ELAVL4: variants seen among roughly 807,000 people sequenced by gnomAD.
ELAVL4 encodes ELAV-like protein 4.
Under a neutral mutation model 35.6 loss-of-function variants are expected in ELAVL4, and 1 was observed. The ratio of observed to expected loss-of-function variants is 0.03; its 90% confidence interval spans 0.01 to 0.13. The LOEUF (loss-of-function observed/expected upper bound fraction) is 0.13, where lower values mean the gene tolerates loss of function less well. Ranked by LOEUF, ELAVL4 falls within the 10% of genes least tolerant of loss-of-function variation. ELAVL4 has a pLI of 1.00. For missense variants in ELAVL4, 267 were observed against 464.9 expected, an observed-to-expected ratio of 0.57 and a Z score of 3.91; for synonymous variants, 156 against 171.0, an observed-to-expected ratio of 0.91 and a Z score of 0.69.
At chr1:50,200,800 C>A in intron 6 of ELAVL4, 51 bp from the exon 7 acceptor site, 2 of 1,589,072 alleles carry the variant, frequency 1.3e-6, no homozygotes, top group South Asian at 1.2e-5. Context: ...GTGTGTTATC[C>A]TTGGTCAGAC....
intron 1 of ELAVL4, among the ~76,000 whole-genome samples, chr1:50,095,938 T>G (rs1665699959): frequency 6.6e-6 from 1 of 152,192 alleles, no homozygotes; most frequent in Non-Finnish European, 1.5e-5. Context: ...TTTCTGATTT[T>G]AGTCACTTGA....
intron 1 of ELAVL4, among the ~76,000 whole-genome samples, chr1:50,136,092 C>T (rs992494524): frequency 2.0e-5 from 3 of 151,870 alleles, no homozygotes; most frequent in African/African-American, 2.4e-5. Flanking sequence ...AAAAGAAGGA[C>T]GGGAGAGAAT....
At chr1:50,165,804 G>A (rs61784188) in intron 2 of ELAVL4, among the ~76,000 whole-genome samples, 23 of 130,488 alleles carry the variant, frequency 1.8e-4, no homozygotes, top group South Asian at 5.3e-4. Context: ...ATGTGTATAT[G>A]TGTGTGTGTA....
chr1:50,190,998 A>G (rs1682584282), intron 3 of ELAVL4, among the ~76,000 whole-genome samples: 2 of 151,876 alleles, frequency 1.3e-5, no homozygotes, highest in Admixed American at 1.3e-4. Context: ...CCTTTGATTA[A>G]TCTCTCCCTC....
intron 1 of ELAVL4, among the ~76,000 whole-genome samples, chr1:50,117,963 C>T (rs1355054708): frequency 6.6e-6 from 1 of 152,072 alleles, no homozygotes; most frequent in Non-Finnish European, 1.5e-5. Context: ...TCCATGATCT[C>T]CTTTGGAATT....
intron 1 of ELAVL4, among the ~76,000 whole-genome samples, chr1:50,134,548 A>G (rs932155362): frequency 6.6e-6 from 1 of 152,108 alleles, no homozygotes; most frequent in Admixed American, 6.6e-5. Context: ...TTTCCAATCG[A>G]TTTTCTTTTT....
chr1:50,069,563 C>A (rs543402713), intron 1 of ELAVL4, among the ~76,000 whole-genome samples: 29 of 152,304 alleles, frequency 1.9e-4, no homozygotes, highest in African/African-American at 7.0e-4. Flanking sequence ...GATGCATAGT[C>A]TTGGTTCCCC....
intron 4 of ELAVL4, among the ~76,000 whole-genome samples, chr1:50,194,973 C>T (rs572446394): frequency 2.0e-5 from 3 of 152,074 alleles, no homozygotes; most frequent in Admixed American, 1.3e-4. Context: ...AATTTGGGGC[C>T]AGATTGCCAG....
intron 1 of ELAVL4, among the ~76,000 whole-genome samples, chr1:50,075,901 C>G (rs901463818): frequency 1.3e-5 from 2 of 152,014 alleles, no homozygotes; most frequent in African/African-American, 2.4e-5. Context: ...GATCTCGGCT[C>G]GCTGCAACCT....
At chr1:50,067,502 C>T (rs1664318215) in intron 1 of ELAVL4, among the ~76,000 whole-genome samples, 3 of 152,052 alleles carry the variant, frequency 2.0e-5, no homozygotes, top group African/African-American at 4.8e-5. Context: ...TATAAATATG[C>T]ATATAAATAC....
At chr1:50,155,312 T>C (rs1675542854) in intron 2 of ELAVL4, among the ~76,000 whole-genome samples, 1 of 151,746 alleles carries the variant, frequency 6.6e-6, no homozygotes, top group South Asian at 2.1e-4. Flanking sequence ...CTTTCTCAAG[T>C]AGTTACCAGA....
chr1:50,179,011 ACTGAGTAGAC>A (rs1557841662), intron 3 of ELAVL4, among the ~76,000 whole-genome samples: 1 of 151,468 alleles, frequency 6.6e-6, no homozygotes, highest in Non-Finnish European at 1.5e-5. Flanking sequence ...TTCCCCAAAG[ACTGAGTAGAC>A]CTGGCTTTTC....
At chr1:50,128,714 A>C (rs1670368668) in intron 1 of ELAVL4, among the ~76,000 whole-genome samples, 1 of 152,084 alleles carries the variant, frequency 6.6e-6, no homozygotes, top group Non-Finnish European at 1.5e-5. Context: ...GGGAGTGCTT[A>C]TGTGCAGAGT....
chr1:50,153,113 T>C (rs1475819373), intron 2 of ELAVL4, among the ~76,000 whole-genome samples: 1 of 152,184 alleles, frequency 6.6e-6, no homozygotes, highest in African/African-American at 2.4e-5. Context: ...TGGCTGCTTA[T>C]TATGCATATT....
intron 6 of ELAVL4, among the ~76,000 whole-genome samples, chr1:50,198,238 T>C (rs921412406): frequency 2.6e-5 from 4 of 152,212 alleles, no homozygotes; most frequent in African/African-American, 4.8e-5. Flanking sequence ...CCAGACCCAG[T>C]ATGAAATCTG....
intron 1 of ELAVL4, among the ~76,000 whole-genome samples, chr1:50,077,672 C>T (rs1664824801): frequency 6.6e-6 from 1 of 152,172 alleles, no homozygotes; most frequent in South Asian, 2.1e-4. Flanking sequence ...ACTTACCCTG[C>T]TTGCTGTGAA....
At chr1:50,119,682 T>C (rs964958323) in intron 1 of ELAVL4, among the ~76,000 whole-genome samples, 2 of 152,098 alleles carry the variant, frequency 1.3e-5, no homozygotes, top group Middle Eastern at 3.4e-3. Flanking sequence ...ACAGTATTCT[T>C]CCTGAACTAT....
intron 1 of ELAVL4, among the ~76,000 whole-genome samples, chr1:50,093,715 T>A (rs1178421575): frequency 3.9e-5 from 6 of 152,190 alleles, no homozygotes; most frequent in African/African-American, 1.4e-4. Flanking sequence ...ACTTAGCAGA[T>A]ATTTATTGAA....
At chr1:50,147,921 AGTGACTCT>A (rs757716302) in intron 2 of ELAVL4, among the ~76,000 whole-genome samples, 1 of 152,218 alleles carries the variant, frequency 6.6e-6, no homozygotes, top group Non-Finnish European at 1.5e-5. Context: ...AGAGAGAGGA[AGTGACTCT>A]GTTGATAGCC....
Sources: gnomAD v4.1 joint callset for allele counts (sites outside exome capture counted in the v4.1 genomes callset) on GRCh38, gnomAD v4.1.1 for gene constraint, MANE v1.5 for transcripts, NCBI Gene and HGNC (gene_info 2026-07-23, HGNC 2026-07-21) for gene names.